ACTR3C: variants seen among roughly 807,000 people sequenced by gnomAD.
ACTR3C encodes actin related protein 3C, also known as actin-related protein 3C.
ACTR3C carries 18 observed loss-of-function variants against 26.3 expected under a neutral mutation model. The ratio of observed to expected loss-of-function variants is 0.68; its 90% CI spans 0.47 to 1.01. The LOEUF (loss-of-function observed/expected upper bound fraction) is 1.01. Among genes scored for constraint, ACTR3C ranks in the 50% least tolerant of loss-of-function variants. The pLI, the probability that ACTR3C is intolerant of heterozygous loss-of-function variation, is 0.00. For missense variants in ACTR3C, 184 were observed against 250.7 expected, an observed-to-expected ratio of 0.73 and a Z score of 1.80; for synonymous variants, 55 against 94.5, an observed-to-expected ratio of 0.58 and a Z score of 2.42.
chr7:150,032,069 T>C, the ACTR3C span, among the ~76,000 whole-genome samples: 24 of 152,226 alleles, frequency 1.6e-4, no homozygotes, highest in Admixed American at 1.2e-3. Context: ...CTCTGCCTTG[T>C]TGGAGCTGGT....
chr7:150,307,344 C>A (rs1168486964), intron 1 of ACTR3C, among the ~76,000 whole-genome samples: 1 of 152,190 alleles, frequency 6.6e-6, no homozygotes, highest in Non-Finnish European at 1.5e-5. Flanking sequence ...GCCAAAAAAC[C>A]ACAAAAGAAG....
At chr7:150,031,659 C>T in the ACTR3C span, among the ~76,000 whole-genome samples, 7 of 152,172 alleles carry the variant, frequency 4.6e-5, no homozygotes, top group Non-Finnish European at 1.0e-4. Context: ...ATACCATTGG[C>T]CTGGTCCTAA....
the ACTR3C span, among the ~76,000 whole-genome samples, chr7:149,996,269 G>T: frequency 1.3e-5 from 2 of 151,482 alleles, no homozygotes; most frequent in Non-Finnish European, 3.0e-5. Flanking sequence ...GGCTTGAGAG[G>T]GTCCAGGCAA....
At chr7:150,037,762 G>T in the ACTR3C span, among the ~76,000 whole-genome samples, 4 of 50,038 alleles carry the variant, frequency 8.0e-5, no homozygotes, top group Non-Finnish European at 1.1e-4. Context: ...ACCCTCGCGG[G>T]GGGTGCCTCC....
chr7:150,063,317 CTG>C, the ACTR3C span, among the ~76,000 whole-genome samples: 2 of 151,458 alleles, frequency 1.3e-5, no homozygotes, highest in Non-Finnish European at 2.9e-5. Context: ...AGGCTGGAGA[CTG>C]TGGATAAGGC....
chr7:150,320,744 C>T (rs1264939331), intron 1 of ACTR3C, among the ~76,000 whole-genome samples: 8 of 152,110 alleles, frequency 5.3e-5, no homozygotes, highest in Non-Finnish European at 8.8e-5. Flanking sequence ...GCCTGGGCAA[C>T]AGAGTGAGAC....
At chr7:150,103,801 A>G in the ACTR3C span, among the ~76,000 whole-genome samples, 1 of 152,054 alleles carries the variant, frequency 6.6e-6, no homozygotes, top group East Asian at 1.9e-4. Context: ...TTCATATAAC[A>G]TACATACACA....
chr7:150,230,397 C>T, the ACTR3C span, among the ~76,000 whole-genome samples: 1 of 152,150 alleles, frequency 6.6e-6, no homozygotes, highest in African/African-American at 2.4e-5. Context: ...GGAATTGGTG[C>T]ATTTCATCTA....
At chr7:149,912,768 TG>T in the ACTR3C span, among the ~76,000 whole-genome samples, 2 of 152,114 alleles carry the variant, frequency 1.3e-5, no homozygotes, top group South Asian at 4.1e-4. Context: ...CCCAAAGTGC[TG>T]GGTTACAGGC....
chr7:150,063,938 G>A, the ACTR3C span, among the ~76,000 whole-genome samples: 2 of 151,984 alleles, frequency 1.3e-5, no homozygotes, highest in African/African-American at 4.8e-5. Flanking sequence ...AGTATGGCAA[G>A]TGACTACCAA....
At chr7:150,066,177 C>T in the ACTR3C span, among the ~76,000 whole-genome samples, 63 of 152,194 alleles carry the variant, frequency 4.1e-4, 1 homozygote, top group East Asian at 0.011. Context: ...AAGGAAAAGA[C>T]AGGAGAAGGG....
the ACTR3C span, among the ~76,000 whole-genome samples, chr7:150,210,736 A>G: frequency 6.7e-6 from 1 of 149,810 alleles, no homozygotes; most frequent in Non-Finnish European, 1.5e-5. Flanking sequence ...AAGGTAGTGG[A>G]ATTGTTAGGG....
the ACTR3C span, among the ~76,000 whole-genome samples, chr7:149,936,324 T>C: frequency 3.3e-5 from 5 of 152,298 alleles, no homozygotes; most frequent in East Asian, 7.7e-4. Context: ...AAGCAAGTGA[T>C]GAAGGGAGCT....
downstream of ACTR3C, among the ~76,000 whole-genome samples, chr7:150,241,581 G>A (rs181832249): frequency 1.7e-3 from 252 of 151,884 alleles, 1 homozygote; most frequent in African/African-American, 5.6e-3. Context: ...ACATGAGACC[G>A]GCAAAAAATT....
the ACTR3C span, among the ~76,000 whole-genome samples, chr7:150,121,931 TACAACCATCTGATCTTTGACAAACCTA>T: frequency 1.2e-4 from 19 of 152,184 alleles, no homozygotes; most frequent in Non-Finnish European, 1.0e-4. Context: ...ACTGCACAAC[TACAACCATCTGATCTTTGACAAACCTA>T]ACAAAAACAA....
intron 6 of ACTR3C, among the ~76,000 whole-genome samples, chr7:150,280,318 T>C (rs996271547): frequency 2.0e-4 from 31 of 152,216 alleles, no homozygotes; most frequent in African/African-American, 6.8e-4. Flanking sequence ...GCCCCACCCC[T>C]GTCATTCCTG....
At chr7:150,158,815 G>C in the ACTR3C span, among the ~76,000 whole-genome samples, 2 of 149,434 alleles carry the variant, frequency 1.3e-5, no homozygotes, top group African/African-American at 5.1e-5. Flanking sequence ...CACACACACA[G>C]GCACACACAT....
the ACTR3C span, among the ~76,000 whole-genome samples, chr7:150,032,305 G>A: frequency 6.6e-6 from 1 of 152,214 alleles, no homozygotes; most frequent in Non-Finnish European, 1.5e-5. Flanking sequence ...ATTTTGAGAG[G>A]AAGCTCTTGT....
the ACTR3C span, chr7:149,909,667 TG>T: frequency 2.2e-6 from 1 of 454,728 alleles, no homozygotes; most frequent in Admixed American, 4.5e-5. Flanking sequence ...AATAATGAAC[TG>T]GGGCTCAGTG....
Sources: gnomAD v4.1 joint callset for allele counts (sites outside exome capture counted in the v4.1 genomes callset) on GRCh38, gnomAD v4.1.1 for gene constraint, MANE v1.5 for transcripts, NCBI Gene and HGNC (gene_info 2026-07-23, HGNC 2026-07-21) for gene names.